SPTB: variants seen among roughly 807,000 people sequenced by gnomAD.
SPTB encodes spectrin beta, erythrocytic, also known as spectrin beta chain, erythrocytic.
SPTB carries 45 observed loss-of-function variants against 256.2 expected under a neutral mutation model. That is an observed-to-expected ratio of 0.18 (90% CI 0.14 to 0.23). SPTB has a LOEUF of 0.23. Among genes scored for constraint, SPTB ranks in the 10% least tolerant of loss-of-function variants. SPTB has a pLI of 1.00. For missense variants in SPTB, 2,715 were observed against 3,040.4 expected (o/e 0.89, Z 2.52); for synonymous variants, 1,231 against 1,243.1 (o/e 0.99, Z 0.21).
chr14:64,804,407 G>A (rs1001258882), intron 3 of SPTB, among the ~76,000 whole-genome samples: 8 of 152,238 alleles, frequency 5.3e-5, no homozygotes, highest in African/African-American at 1.9e-4. Flanking sequence ...TGGGGGAAAT[G>A]GAGGAAAAGA....
In SPTB at chr14:64,772,866, C is replaced by T. The variant is rs776376302; in HGVS notation, c.5267G>A (p.Arg1756Gln). 8 of 1,611,644 alleles carry T rather than the reference C, an allele frequency of 5.0e-6. No individual in the cohort carries two copies. The highest frequency in any genetic ancestry group is 3.3e-5 in the South Asian group (3 of 91,042). ...CTCGCTGTGGCCCGCGTCGATGAGT[C>T]GCTCGATGAAGGCATTCACATTGTC... is the stretch of plus-strand genomic sequence containing the variant. ...RVDNVNAFIE[R>Q]LIDAGHSEAA... Residue 1756 changes from arginine (R) to glutamine (Q), a missense_variant, in exon 26 of 36, where the codon CGA becomes CAA. Coordinates refer to ENST00000644917, the MANE Select transcript of SPTB (RefSeq NM_001355436.2). This position sits in a 1 kb window ranked among gnomAD's most constrained non-coding sequence, Gnocchi z 5.4.
chr14:64,776,355 C>G (rs1388119645), intron 22 of SPTB, among the ~76,000 whole-genome samples: 1 of 152,206 alleles, frequency 6.6e-6, no homozygotes, highest in Non-Finnish European at 1.5e-5. Flanking sequence ...TTCCTATAGT[C>G]TCTGCAGTTG....
In SPTB at chr14:64,753,727, C is replaced by T. The variant is rs1594739193; in HGVS notation, c.6412G>A (p.Gly2138Arg). The change falls in exon 33 of 36, where the codon GGG (glycine) becomes AGG (arginine). Residue 2138 changes from glycine to arginine, a missense_variant. Around this residue, in one of 4 missense-constraint regions of SPTB, gnomAD observed 2,239 missense variants for 2,384.4 expected, o/e 0.94. Coordinates refer to ENST00000644917, the MANE Select transcript of SPTB (RefSeq NM_001355436.2). ...CTCTCATCCCCAGTGGATTTCTGCC[C>T]ATCCTTGTGCTGACCCGGCGGTGGT... ...QPPPPGQHKD[G>R]QKSTGDERPT... 6.2e-7 allele frequency: 1 copy of T among 1,613,838 alleles called. No individual in the cohort carries two copies. The highest frequency in any genetic ancestry group is 2.2e-5 in the East Asian group (1 of 44,880).
intron 1 of SPTB, among the ~76,000 whole-genome samples, chr14:64,842,792 G>A (rs1461502728): frequency 1.3e-5 from 2 of 152,150 alleles, no homozygotes; most frequent in East Asian, 3.9e-4. Context: ...TAAAAATGGG[G>A]ACATATAGGC....
rs908761947 is a variant in SPTB, at chr14:64,847,546, C to T, written c.-51-24401G>A. On this transcript the variant is annotated intron_variant, in intron 1 of 35. Coordinates refer to ENST00000644917, the MANE Select transcript of SPTB (RefSeq NM_001355436.2). The surrounding 1 kb of genome is among the most constrained non-coding windows in gnomAD (Gnocchi z 5.9). ...AAGCTACATTGGCTTTGGATCAGAA[C>T]GTCAACTCAGAAGAAGAAATCCAGG... Among the ~76,000 whole-genome samples, 5 of 152,052 alleles carry T rather than the reference C, an allele frequency of 3.3e-5. No homozygotes were observed. Among genetic ancestry groups the T allele is most frequent in the Admixed American group, 2.6e-4 (4 of 15,268 alleles).
In SPTB at chr14:64,826,374, A is replaced by G. The variant is rs762478443; in HGVS notation, c.-51-3229T>C. Among the ~76,000 whole-genome samples the G allele has an allele frequency of 3.3e-5, 5 of 152,224 alleles. No homozygotes were observed. The highest frequency in any genetic ancestry group is 2.0e-4 in the Admixed American group (3 of 15,282). On this transcript the variant is annotated intron_variant, in intron 1 of 35. Coordinates refer to ENST00000644917, the MANE Select transcript of SPTB (RefSeq NM_001355436.2). This position sits in a 1 kb window ranked among gnomAD's most constrained non-coding sequence, Gnocchi z 4.4. ...CTATAAAGAGATGACCATGACTGAA[A>G]AAAACAGCATATGTTGGGGCTCATG...
intron 32 of SPTB, chr14:64,766,395 T>C (rs2082182833): frequency 7.4e-7 from 1 of 1,350,778 alleles, no homozygotes; most frequent in Non-Finnish European, 9.5e-7. Context: ...TAATCATCTC[T>C]GGCTAGTGTT....
intron 25 of SPTB, 78 bp from the exon 26 acceptor site, chr14:64,773,032 C>T: frequency 1.9e-6 from 3 of 1,576,364 alleles, no homozygotes; most frequent in Non-Finnish European, 1.7e-6. Flanking sequence ...CAAAGACTTT[C>T]CCAGGCAGCA....
intron 32 of SPTB, chr14:64,755,853 T>C (rs1409127790): frequency 6.6e-6 from 1 of 152,054 alleles, no homozygotes; most frequent in Non-Finnish European, 1.5e-5. Flanking sequence ...AAAGGAGAAA[T>C]TCCTACGAGA....
rs1158289815 is a variant in SPTB, at chr14:64,845,172, T to C, written c.-51-22027A>G. On this transcript the variant is annotated intron_variant, in intron 1 of 35. Transcript: ENST00000644917. This position sits in a 1 kb window ranked among gnomAD's most constrained non-coding sequence, Gnocchi z 4.8. Reference sequence around the variant, plus strand: ...GGCAGAACTAGCCTGCTCCCTGTCATTATCTCTTTTATGCCCTACACAGTT... The same window carrying C: ...GGCAGAACTAGCCTGCTCCCTGTCACTATCTCTTTTATGCCCTACACAGTT... Among the ~76,000 whole-genome samples, 2 of 152,236 alleles carry C rather than the reference T, an allele frequency of 1.3e-5. No homozygotes were observed. The highest frequency in any genetic ancestry group is 2.9e-5 in the Non-Finnish European group (2 of 68,040).
At position 64,841,615 on chromosome 14, in the gene SPTB, T is replaced by TC. The variant is rs2139753105; in HGVS notation, c.-51-18471dup. ...CTTGTGAGGATTGCCAAGCACTTTT[T>TC]CCCCCAAATCGACACAGACATGGAG... On this transcript the variant is annotated intron_variant, in intron 1 of 35. Transcript: ENST00000644917. This position sits in a 1 kb window ranked among gnomAD's most constrained non-coding sequence, Gnocchi z 4.6. Among the ~76,000 whole-genome samples, 1 of 152,042 alleles carries TC rather than the reference T, an allele frequency of 6.6e-6. No individual in the cohort carries two copies. Among genetic ancestry groups the TC allele is most frequent in the South Asian group, 2.1e-4 (1 of 4,802 alleles).
chr14:64,808,158 G>T (rs1026180596), intron 2 of SPTB, among the ~76,000 whole-genome samples: 2 of 152,196 alleles, frequency 1.3e-5, no homozygotes, highest in African/African-American at 4.8e-5. Flanking sequence ...GACTACAGGT[G>T]TGTGCCACCA....
chr14:64,753,476 G>A, intron 33 of SPTB, 61 bp downstream of exon 33: 2 of 1,609,934 alleles, frequency 1.2e-6, no homozygotes, highest in South Asian at 1.1e-5. Context: ...GGCTCTGCTA[G>A]CAGAGAGATC....
intron 32 of SPTB, among the ~76,000 whole-genome samples, chr14:64,765,041 TGCGCGC>T (rs1555366153): frequency 8.5e-6 from 1 of 116,988 alleles, no homozygotes; most frequent in Non-Finnish European, 1.7e-5. Context: ...TGTGTGTGTG[TGCGCGC>T]GCGCGCGCGG....
Position 64,749,395 on chromosome 14 carries a change from G to C in SPTB, c.6898C>G (p.Leu2300Val). ...GGGCCGGAGAGGGAAGGCAGGGGCA[G>C]GCTCTGCGCCTTGACGCGGATGCTC... The part of the protein sequence containing the change: ...SQSIRVKAQS[L>V]PLPSLSGPDA... The change falls in exon 36 of 36, where the codon CTG (leucine) becomes GTG (valine). Residue 2300 changes from leucine (L) to valine (V), a missense_variant. Coordinates refer to ENST00000644917, the MANE Select transcript of SPTB (RefSeq NM_001355436.2). This position sits in a 1 kb window ranked among gnomAD's most constrained non-coding sequence, Gnocchi z 4.7. 6.2e-7 allele frequency: 1 copy of C among 1,609,542 alleles called. No individual in the cohort carries two copies. Among genetic ancestry groups the C allele is most frequent in the East Asian group, 2.2e-5 (1 of 44,876 alleles).
rs2139525011 is a variant in SPTB at position 64,777,858 on chromosome 14, G to C, written c.4563+1299C>G. 6.6e-6 allele frequency among the ~76,000 whole-genome samples: 1 copy of C among 152,238 alleles called. No individual in the cohort carries two copies. Among genetic ancestry groups the C allele is most frequent in the East Asian group, 1.9e-4 (1 of 5,176 alleles). On this transcript the variant is annotated intron_variant, in intron 22 of 35. Transcript: ENST00000644917. The surrounding 1 kb of genome is among the most constrained non-coding windows in gnomAD (Gnocchi z 4.5). ...CCCAAGAGGCTGCCTTTCCCTTCTT[G>C]GTTAGGGGAACCCCATCCGTATTTG...
intron 1 of SPTB, among the ~76,000 whole-genome samples, chr14:64,846,814 G>T (rs762928908): frequency 6.6e-6 from 1 of 152,152 alleles, no homozygotes; most frequent in Non-Finnish European, 1.5e-5. Flanking sequence ...CACATTCTTG[G>T]ATGCTAACAG....
intron 2 of SPTB, among the ~76,000 whole-genome samples, chr14:64,809,924 C>G (rs1350902057): frequency 1.3e-5 from 2 of 152,056 alleles, no homozygotes; most frequent in African/African-American, 2.4e-5. Context: ...ATCAAGATAT[C>G]AATTTACCCT....
intron 1 of SPTB, among the ~76,000 whole-genome samples, chr14:64,865,518 C>T (rs1194101393): frequency 6.6e-6 from 1 of 152,136 alleles, no homozygotes; most frequent in Non-Finnish European, 1.5e-5. Flanking sequence ...TCACTGCAGT[C>T]ATTTTCTGAG....
Sources: gnomAD v4.1 joint callset for allele counts (sites outside exome capture counted in the v4.1 genomes callset) on GRCh38, gnomAD v4.1.1 for gene constraint, gnomAD v4.1.1 regional missense constraint, Gnocchi (gnomAD v3.1) non-coding constraint, MANE v1.5 for transcripts, NCBI Gene and HGNC (gene_info 2026-07-23, HGNC 2026-07-21) for gene names.